The following DOCK4 variants were observed in gnomAD, a reference collection of about 807,000 sequenced individuals.
DOCK4 encodes dedicator of cytokinesis protein 4.
DOCK4 carries 97 observed loss-of-function variants against 268.1 expected under a neutral mutation model. The observed-to-expected ratio is 0.36, with a 90% confidence interval of 0.31 to 0.43. The LOEUF is 0.43. DOCK4 is among the 20% of genes least tolerant of loss of function. DOCK4 has a pLI of 1.00. For synonymous variants in DOCK4, 954 were observed against 887.2 expected (o/e 1.08, Z -1.34); for missense variants, 2,145 against 2,455.7 (o/e 0.87, Z 2.67).
intron 49 of DOCK4, among the ~76,000 whole-genome samples, chr7:111,737,547 T>G (rs943386971): frequency 6.6e-6 from 1 of 152,178 alleles, no homozygotes; most frequent in Admixed American, 6.5e-5. Flanking sequence ...CCCTGCATGT[T>G]AAAAATCATT....
intron 25 of DOCK4, among the ~76,000 whole-genome samples, chr7:111,835,654 C>T (rs926918243): frequency 7.9e-5 from 12 of 152,142 alleles, no homozygotes; most frequent in African/African-American, 2.9e-4. Context: ...TCACTGGTAA[C>T]TAACTGTATA....
At chr7:111,936,707 G>A (rs17159023) in intron 11 of DOCK4, among the ~76,000 whole-genome samples, 1 of 152,156 alleles carries the variant, frequency 6.6e-6, no homozygotes, top group Non-Finnish European at 1.5e-5. Flanking sequence ...CAAGAGGCCT[G>A]AACATCAAGA....
At chr7:111,774,446 G>A (rs565621643) in intron 36 of DOCK4, among the ~76,000 whole-genome samples, 1 of 152,090 alleles carries the variant, frequency 6.6e-6, no homozygotes, top group African/African-American at 2.4e-5. Context: ...CAGCCTGGGC[G>A]ACAGAGTGAG....
chr7:111,955,967 C>G (rs182649679), intron 8 of DOCK4, among the ~76,000 whole-genome samples: 7 of 152,232 alleles, frequency 4.6e-5, no homozygotes, highest in African/African-American at 7.2e-5. Context: ...CTGGAGAACT[C>G]ATTAAGAATT....
intron 1 of DOCK4, among the ~76,000 whole-genome samples, chr7:112,195,455 A>G (rs1316998614): frequency 2.0e-5 from 3 of 151,966 alleles, no homozygotes; most frequent in Non-Finnish European, 4.4e-5. Flanking sequence ...GGGTTTTCGT[A>G]TTTCTTTGAG....
At chr7:111,809,725 C>T (rs2188797) in intron 28 of DOCK4, among the ~76,000 whole-genome samples, 10,559 of 152,122 alleles carry the variant, frequency 0.069, 1,238 homozygotes, top group African/African-American at 0.24. Flanking sequence ...AAGACAGATG[C>T]GTGGTTTCTC....
chr7:111,814,047 A>G (rs1801351099), intron 27 of DOCK4, among the ~76,000 whole-genome samples: 1 of 152,222 alleles, frequency 6.6e-6, no homozygotes, highest in South Asian at 2.1e-4. Flanking sequence ...CTTGTGGTCC[A>G]CAGTTTCAGC....
rs144406406 is a variant in DOCK4, at chr7:111,846,215, G to C, written c.2601+784C>G. On this transcript the variant is annotated intron_variant, in intron 24 of 52. Transcript: ENST00000428084. Reference sequence around the variant, plus strand: ...GAAACTGTAGCATAAAGGTAATAGGGAAGCAGAGGAACAGGATTCTTGGCA... The same window carrying C: ...GAAACTGTAGCATAAAGGTAATAGGCAAGCAGAGGAACAGGATTCTTGGCA... Among the ~76,000 whole-genome samples the C allele has an allele frequency of 2.1e-3, 324 of 152,300 alleles. 3 individuals carry two copies. The South Asian group carries it at 0.023, about 11-fold the overall frequency.
chr7:111,941,738 T>TTTTG (rs918679550), intron 10 of DOCK4, among the ~76,000 whole-genome samples: 6 of 152,192 alleles, frequency 3.9e-5, no homozygotes, highest in African/African-American at 7.2e-5. Flanking sequence ...TTCAATCCTT[T>TTTTG]TTTGTTTGTT....
intron 1 of DOCK4, among the ~76,000 whole-genome samples, chr7:112,189,753 T>TG (rs1819775718): frequency 1.7e-5 from 2 of 114,588 alleles, no homozygotes; most frequent in Non-Finnish European, 3.3e-5. Flanking sequence ...TTTGTTTTTT[T>TG]TTTTTTTTTT....
chr7:112,008,112 A>T (rs961321195), intron 1 of DOCK4, among the ~76,000 whole-genome samples: 1 of 152,176 alleles, frequency 6.6e-6, no homozygotes, highest in African/African-American at 2.4e-5. Context: ...GCTACAGGAA[A>T]CAATCACAGA....
intron 52 of DOCK4, among the ~76,000 whole-genome samples, chr7:111,729,105 T>C (rs1794882247): frequency 6.6e-6 from 1 of 152,118 alleles, no homozygotes; most frequent in Non-Finnish European, 1.5e-5. Flanking sequence ...ACCCAGTTTG[T>C]GGTATTTTGT....
At chr7:111,874,537 T>C (rs1806684714) in intron 17 of DOCK4, among the ~76,000 whole-genome samples, 1 of 152,234 alleles carries the variant, frequency 6.6e-6, no homozygotes. Flanking sequence ...TAATTAATCA[T>C]GTATGCAAAA....
rs140115413 is a variant in DOCK4, at chr7:111,769,565, C to A, written c.3792G>T (p.Leu1264=). 2.5e-4 allele frequency: 398 copies of A among 1,613,746 alleles called. 4 individuals are homozygous for A. The African/African-American group carries it at 4.5e-3, about 18-fold the overall frequency. ...CAAAGTTCTGGATGATGGTGAGGTG[C>A]AGGTGCTCTTTGCGCTGCCATTCTG... ...MQTEWQRKEH[L]HLTIIQNFDR... Residue 1264 remains leucine, a synonymous_variant, in exon 37 of 53, where the codon CTG becomes CTT. Transcript: ENST00000428084.
chr7:111,898,867 C>T (rs1245677675), intron 15 of DOCK4, among the ~76,000 whole-genome samples: 2 of 152,102 alleles, frequency 1.3e-5, no homozygotes, highest in African/African-American at 2.4e-5. Context: ...CTGAAAATAG[C>T]CTTTATTTTA....
At chr7:111,772,969 A>T (rs1236789153) in intron 36 of DOCK4, among the ~76,000 whole-genome samples, 1 of 152,226 alleles carries the variant, frequency 6.6e-6, no homozygotes, top group Non-Finnish European at 1.5e-5. Context: ...AGGCAATCAG[A>T]TGAAACTGAC....
rs186134636 is a variant in DOCK4, at chr7:111,998,294, C to T, written c.218+154G>A. Among the ~76,000 whole-genome samples, 20 of 152,320 alleles carry T rather than the reference C, an allele frequency of 1.3e-4. 1 individual carries two copies. Among genetic ancestry groups the T allele is most frequent in the Non-Finnish European group, 7.3e-5 (5 of 68,034 alleles). On this transcript the variant is annotated intron_variant, in intron 4 of 52. Transcript: ENST00000428084. The stretch of plus-strand genomic sequence containing the variant: ...GGGGTTCTTTAATTTTCTCCACCAA[C>T]GGTCTTAATGCAATATATCTTTAAC...
chr7:111,899,906 A>G (rs1337597297), intron 15 of DOCK4, among the ~76,000 whole-genome samples: 1 of 152,252 alleles, frequency 6.6e-6, no homozygotes, highest in East Asian at 1.9e-4. Flanking sequence ...CCTGGGCAAC[A>G]GAGTGAGGCT....
At chr7:111,821,294 G>C (rs1801958543) in intron 27 of DOCK4, 1 of 152,198 alleles carries the variant, frequency 6.6e-6, no homozygotes, top group Admixed American at 6.5e-5. Flanking sequence ...GATGCTTAGA[G>C]AATCCAACCT....
Sources: gnomAD v4.1 joint callset for allele counts (sites outside exome capture counted in the v4.1 genomes callset) on GRCh38, gnomAD v4.1.1 for gene constraint, MANE v1.5 for transcripts, NCBI Gene and HGNC (gene_info 2026-07-23, HGNC 2026-07-21) for gene names.